AEBP2: variants seen among roughly 807,000 people sequenced by gnomAD.
AEBP2 encodes the protein AE binding protein 2, also known as zinc finger protein AEBP2.
In AEBP2, 10 loss-of-function variants were observed where a neutral mutation model predicts 50.8. The observed-to-expected ratio is 0.20, with a 90% CI of 0.12 to 0.33. The LOEUF is 0.33. Among genes scored for constraint, AEBP2 ranks in the 10% least tolerant of loss-of-function variants. The pLI is 1.00. For synonymous variants in AEBP2, 296 were observed against 261.3 expected (o/e 1.13, Z -1.28); for missense variants, 570 against 688.0 (o/e 0.83, Z 1.92).
At chr12:19,480,352 A>G (rs1179354293) in intron 3 of AEBP2, among the ~76,000 whole-genome samples, 73 of 152,122 alleles carry the variant, frequency 4.8e-4, no homozygotes, top group Non-Finnish European at 1.0e-4. Flanking sequence ...TGATCTGCCC[A>G]CCTCGGCCTC....
At chr12:19,487,313 A>T (rs1306536974) in intron 3 of AEBP2, among the ~76,000 whole-genome samples, 1 of 152,180 alleles carries the variant, frequency 6.6e-6, no homozygotes, top group Non-Finnish European at 1.5e-5. Flanking sequence ...ATTTATATAC[A>T]TAAAATTCAA....
chr12:19,508,483 T>TA (rs1949186593), intron 5 of AEBP2, among the ~76,000 whole-genome samples: 1 of 152,306 alleles, frequency 6.6e-6, no homozygotes, highest in East Asian at 1.9e-4. Context: ...GGAACTTGAT[T>TA]AAAAAAATTG....
At chr12:19,426,146 G>A (rs528290667) in intron 1 of AEBP2, among the ~76,000 whole-genome samples, 1 of 152,200 alleles carries the variant, frequency 6.6e-6, no homozygotes, top group Non-Finnish European at 1.5e-5. Flanking sequence ...ATGTTGCCCA[G>A]GCTGATCTCA....
In AEBP2 at chr12:19,439,600, C is replaced by A. The variant is rs1271476131; in HGVS notation, c.-100C>A. ...CCCTCCTCCTGCTCTGCAGCGGCGT[C>A]GGCGGAGTTTTGGGCGTTTGGGAGG... On this transcript the variant is annotated 5_prime_UTR_variant, in exon 1 of 8. Coordinates refer to ENST00000266508, the MANE Select transcript of AEBP2 (RefSeq NM_153207.5). 2 of 1,417,802 alleles carry A rather than the reference C, an allele frequency of 1.4e-6. No individual in the cohort carries two copies. The highest frequency in any genetic ancestry group is 3.0e-5 in the African/African-American group (2 of 67,276). 87.8% of individuals were successfully genotyped at this position (1,417,802 alleles called of 1,614,324 possible).
chr12:19,452,329 A>T (rs1024316132), intron 1 of AEBP2, among the ~76,000 whole-genome samples: 2 of 151,734 alleles, frequency 1.3e-5, no homozygotes, highest in African/African-American at 4.8e-5. Flanking sequence ...GATCTCACAC[A>T]AGCACATAGA....
intron 1 of AEBP2, among the ~76,000 whole-genome samples, chr12:19,416,734 C>T (rs916611753): frequency 1.3e-4 from 19 of 151,358 alleles, no homozygotes; most frequent in Admixed American, 9.9e-4. Flanking sequence ...AGCAATTCTC[C>T]GGGTTCAGGA....
chr12:19,453,410 GCCTGA>G (rs1488927863), intron 1 of AEBP2, among the ~76,000 whole-genome samples: 3 of 147,994 alleles, frequency 2.0e-5, no homozygotes, highest in South Asian at 2.1e-4. Flanking sequence ...GAACCACTGT[GCCTGA>G]CCTATATACT....
At chr12:19,514,817 T>A in intron 7 of AEBP2, 33 bp downstream of exon 7, 2 of 1,523,906 alleles carry the variant, frequency 1.3e-6, no homozygotes, top group Non-Finnish European at 1.8e-6. Context: ...GTTTTACTTT[T>A]TGATTTGTAA....
At chr12:19,444,043 G>A (rs4963525) in intron 1 of AEBP2, among the ~76,000 whole-genome samples, 3,412 of 152,122 alleles carry the variant, frequency 0.022, 50 homozygotes, top group East Asian at 0.044. Flanking sequence ...ATGTGAAACC[G>A]CTAAAAACTA....
intron 2 of AEBP2, among the ~76,000 whole-genome samples, chr12:19,472,081 A>G (rs1334073046): frequency 6.6e-6 from 1 of 152,136 alleles, no homozygotes; most frequent in Admixed American, 6.6e-5. Flanking sequence ...TTGCCTTGTT[A>G]TACCTATTTG....
chr12:19,493,731 C>A, intron 3 of AEBP2, 69 bp from the exon 4 acceptor site: 5 of 1,403,908 alleles, frequency 3.6e-6, no homozygotes, highest in Non-Finnish European at 4.9e-6. Context: ...ACTAGATATT[C>A]ACTCATTGAT....
At chr12:19,460,184 T>G (rs1212012681) in intron 1 of AEBP2, among the ~76,000 whole-genome samples, 2 of 152,150 alleles carry the variant, frequency 1.3e-5, no homozygotes, top group Non-Finnish European at 2.9e-5. Flanking sequence ...ACTATAGGCT[T>G]GGCAACGGAG....
chr12:19,445,576 C>G (rs1430605003), intron 1 of AEBP2, among the ~76,000 whole-genome samples: 2 of 152,150 alleles, frequency 1.3e-5, no homozygotes, highest in Non-Finnish European at 2.9e-5. Context: ...ACCCTTACCT[C>G]ATGAGTGGCA....
At position 19,497,328 on chromosome 12, in the gene AEBP2, G is replaced by GTTTTTTTTTT. The variant is rs34011915; in HGVS notation, c.1175-2754_1175-2745dup. Among the ~76,000 whole-genome samples the GTTTTTTTTTT allele has an allele frequency of 3.2e-4, 25 of 78,718 alleles. 4 individuals are homozygous for GTTTTTTTTTT. Among genetic ancestry groups the GTTTTTTTTTT allele is most frequent in the African/African-American group, 6.7e-4 (13 of 19,470 alleles). The allele number at this position is 78,718 out of a possible 152,430, so 51.6% of individuals were successfully genotyped here. On this transcript the variant is annotated intron_variant, in intron 4 of 7. Coordinates refer to ENST00000266508, the MANE Select transcript of AEBP2 (RefSeq NM_153207.5). ...TTCTATTTTTGTGGTTTCCAAAGGT[G>GTTTTTTTTTT]TTTTTTTTTTTTTTTTTTTTTTTTG...
intron 1 of AEBP2, among the ~76,000 whole-genome samples, chr12:19,415,658 A>ATACAATACAC (rs1228877726): frequency 6.3e-5 from 8 of 127,186 alleles, no homozygotes; most frequent in Admixed American, 3.1e-4. Flanking sequence ...GATTAAATCA[A>ATACAATACAC]TACAATACAA....
intron 1 of AEBP2, among the ~76,000 whole-genome samples, chr12:19,411,316 G>GAA (rs1182716332): frequency 6.6e-6 from 1 of 152,190 alleles, no homozygotes; most frequent in Non-Finnish European, 1.5e-5. Flanking sequence ...AATATTAAAG[G>GAA]AAGCTTGGTC....
At chr12:19,479,716 G>GGTT (rs1783944979) in intron 3 of AEBP2, among the ~76,000 whole-genome samples, 1 of 29,894 alleles carries the variant, frequency 3.3e-5, no homozygotes, top group Non-Finnish European at 8.0e-5. Context: ...CCTCTTTGTG[G>GGTT]GTTTTTTTTT....
At chr12:19,479,908 G>C (rs941208244) in intron 3 of AEBP2, among the ~76,000 whole-genome samples, 5 of 151,456 alleles carry the variant, frequency 3.3e-5, no homozygotes, top group Non-Finnish European at 5.9e-5. Flanking sequence ...GCAGATACTT[G>C]GTTGGTGGAA....
At position 19,503,792 on chromosome 12, in the gene AEBP2, G is replaced by C. The variant is rs545799225; in HGVS notation, c.1299+3571G>C. Among the ~76,000 whole-genome samples the C allele has an allele frequency of 2.0e-5, 3 of 151,716 alleles. No individual in the cohort carries two copies. In the South Asian group the frequency reaches 6.3e-4, roughly 32 times the overall value. On this transcript the variant is annotated intron_variant, in intron 5 of 7. Transcript: ENST00000266508. ...TCCTGTCCTAGCTTCCCAAAGTGTC[G>C]AGATTACAGGTGAGCCACCACGCCC...
Sources: allele counts gnomAD v4.1 joint callset (sites outside exome capture counted in the v4.1 genomes callset), GRCh38; gene constraint gnomAD v4.1.1; transcripts MANE v1.5; gene names NCBI Gene and HGNC (gene_info 2026-07-23, HGNC 2026-07-21).